Variants in ICOS observed in about 807,000 individuals in gnomAD.
The protein encoded by ICOS is inducible T cell costimulator.
A neutral mutation model predicts 24.6 loss-of-function variants in ICOS; 15 were observed. The ratio of observed to expected loss-of-function variants is 0.61; its 90% confidence interval spans 0.41 to 0.94. The LOEUF is 0.94. Ranked by LOEUF, ICOS falls within the 40% of genes least tolerant of loss-of-function variation. ICOS has a pLI of 0.00. For missense variants in ICOS, 200 were observed against 233.0 expected (o/e 0.86, Z 0.92); for synonymous variants, 89 against 77.5 (o/e 1.15, Z -0.78).
chr2:203,951,967 T>C (rs1013467403), intron 1 of ICOS, among the ~76,000 whole-genome samples: 19 of 152,232 alleles, frequency 1.2e-4, no homozygotes, highest in Non-Finnish European at 2.4e-4. Context: ...ATATTGTTCC[T>C]TCCAGTTTTT....
intron 1 of ICOS, among the ~76,000 whole-genome samples, chr2:203,946,560 A>T (rs968789605): frequency 2.0e-5 from 3 of 152,132 alleles, no homozygotes; most frequent in Admixed American, 2.0e-4. Flanking sequence ...TTTAGAAATG[A>T]TGCATATATA....
intron 4 of ICOS, 114 bp from the exon 5 acceptor site, chr2:203,959,472 G>GTC: frequency 1.2e-6 from 1 of 807,318 alleles, no homozygotes; most frequent in Non-Finnish European, 2.2e-6. Flanking sequence ...GTGTGTGTGT[G>GTC]TGTGTGCACG....
At chr2:203,952,886 A>G (rs1346830336) in intron 1 of ICOS, among the ~76,000 whole-genome samples, 1 of 151,972 alleles carries the variant, frequency 6.6e-6, no homozygotes, top group African/African-American at 2.4e-5. Context: ...GTTTTCTTGT[A>G]TGTCTCATTA....
At chr2:203,946,047 C>T (rs1050950688) in intron 1 of ICOS, among the ~76,000 whole-genome samples, 3 of 152,198 alleles carry the variant, frequency 2.0e-5, no homozygotes, top group Non-Finnish European at 4.4e-5. Context: ...ATAAAATCCT[C>T]TCTCCCTCCC....
Position 203,957,127 on chromosome 2 carries a change from C to T in ICOS, c.501+362C>T, listed in dbSNP as rs79175140. 4.1e-4 allele frequency among the ~76,000 whole-genome samples: 62 copies of T among 152,146 alleles called. No individual in the cohort carries two copies. In the East Asian group the frequency reaches 8.9e-3, roughly 22 times the overall value. On this transcript the variant is annotated intron_variant, in intron 3 of 4. Transcript: ENST00000316386. ...TTAAAAAATTATTATGCATGGGCTG[C>T]GAATTTGAATCCAAGGTTCCTGAGA...
chr2:203,951,338 AGTT>A (rs1356080966), intron 1 of ICOS, among the ~76,000 whole-genome samples: 1 of 152,200 alleles, frequency 6.6e-6, no homozygotes, highest in East Asian at 1.9e-4. Flanking sequence ...TAGCTCTCTC[AGTT>A]GTTTGCAGTC....
In ICOS at chr2:203,959,890, C is replaced by G. The variant is rs1690146862; in HGVS notation, c.*291C>G. 3.8e-6 allele frequency: 2 copies of G among 528,298 alleles called. No individual in the cohort carries two copies. Among genetic ancestry groups the G allele is most frequent in the Non-Finnish European group, 6.9e-6 (2 of 291,772 alleles). 32.7% of individuals were successfully genotyped at this position (528,298 alleles called of 1,614,324 possible). A position where few individuals can be genotyped will look rare whatever the true frequency, so the allele number is the denominator to read the frequency against. ...GGAATCCCTGTCTCCACATCTGCTC[C>G]TAGCAGTGCATCAGCCAGTAAAACA... On this transcript the variant is annotated 3_prime_UTR_variant, in exon 5 of 5. Coordinates refer to ENST00000316386, the MANE Select transcript of ICOS (RefSeq NM_012092.4).
At chr2:203,942,056 A>G (rs1004837526) in intron 1 of ICOS, among the ~76,000 whole-genome samples, 5 of 152,188 alleles carry the variant, frequency 3.3e-5, no homozygotes, top group African/African-American at 1.2e-4. Context: ...CCAGTTGACC[A>G]CGAGTGTTGT....
In ICOS at chr2:203,957,807, A is replaced by G. The variant is rs148435889; in HGVS notation, c.510A>G (p.Ser170=). ...LICWLTKKKY[S]SSVHDPNGEY... ...CTGGCTTTTTCTTTCAGAAGTATTC[A>G]TCCAGTGTGCACGACCCTAACGGTG... The change falls in exon 4 of 5, where the codon TCA becomes TCG. Residue 170 remains serine, a synonymous_variant. Transcript: ENST00000316386. The G allele has an allele frequency of 3.2e-5, 52 of 1,612,080 alleles. No homozygotes were observed. The highest frequency in any genetic ancestry group is 4.2e-5 in the Non-Finnish European group (50 of 1,178,320).
intron 1 of ICOS, among the ~76,000 whole-genome samples, chr2:203,939,491 G>A (rs76210392): frequency 0.013 from 1,947 of 152,198 alleles, 17 homozygotes; most frequent in Non-Finnish European, 0.02. Flanking sequence ...AGGCAACAGG[G>A]ACCATATGAG....
intron 2 of ICOS, 72 bp downstream of exon 2, chr2:203,956,043 T>C (rs747686243): frequency 3.1e-6 from 3 of 978,510 alleles, no homozygotes; most frequent in Non-Finnish European, 4.7e-6. Context: ...ACTAATAAAA[T>C]CAATTAGACA....
rs1308503291 is a variant in ICOS at position 203,959,675 on chromosome 2, C to T, written c.*76C>T. On this transcript the variant is annotated 3_prime_UTR_variant, in exon 5 of 5. Transcript: ENST00000316386. ...CTTGAAGTGCAAGATTCTCTTATTT[C>T]CGGGACCACGGAGAGTCTGACTTAA... The T allele has an allele frequency of 1.1e-5, 15 of 1,371,454 alleles. No homozygotes were observed. Among genetic ancestry groups the T allele is most frequent in the African/African-American group, 1.4e-5 (1 of 69,502 alleles). The allele number at this position is 1,371,454 out of a possible 1,614,324, so 85.0% of individuals were successfully genotyped here.
At chr2:203,945,788 A>G (rs1380383838) in intron 1 of ICOS, among the ~76,000 whole-genome samples, 2 of 152,156 alleles carry the variant, frequency 1.3e-5, no homozygotes, top group Non-Finnish European at 2.9e-5. Context: ...GCATGACTGT[A>G]CTGAGCTCAG....
At chr2:203,947,561 C>G (rs1033743308) in intron 1 of ICOS, among the ~76,000 whole-genome samples, 1 of 152,136 alleles carries the variant, frequency 6.6e-6, no homozygotes, top group African/African-American at 2.4e-5. Flanking sequence ...CCTGCCTCGG[C>G]CTCCCAAAGT....
intron 1 of ICOS, among the ~76,000 whole-genome samples, chr2:203,948,297 C>A (rs1559034068): frequency 6.6e-6 from 1 of 152,046 alleles, no homozygotes; most frequent in East Asian, 1.9e-4. Context: ...GGGATCATGC[C>A]CCAGCTATGA....
chr2:203,958,821 T>C lies in ICOS; in HGVS notation c.587-765T>C, dbSNP rs56335907. 2.4e-3 allele frequency among the ~76,000 whole-genome samples: 372 copies of C among 152,302 alleles called. 1 individual carries two copies. Among genetic ancestry groups the C allele is most frequent in the African/African-American group, 8.2e-3 (342 of 41,574 alleles). On this transcript the variant is annotated intron_variant, in intron 4 of 4. Coordinates refer to ENST00000316386, the MANE Select transcript of ICOS (RefSeq NM_012092.4). ...GCAAAGAGCTTATGTTTCATTACTT[T>C]GCTGTTTAAAAAATATATGATCTCT...
Position 203,961,423 on chromosome 2 carries a change from C to A in ICOS, c.*1824C>A, listed in dbSNP as rs1559037428. The A allele has an allele frequency of 6.0e-6, 1 of 166,032 alleles. No homozygotes were observed. The highest frequency in any genetic ancestry group is 1.3e-5 in the Non-Finnish European group (1 of 76,680). 10.3% of individuals were successfully genotyped at this position (166,032 alleles called of 1,614,324 possible). On this transcript the variant is annotated 3_prime_UTR_variant, in exon 5 of 5. Coordinates refer to ENST00000316386, the MANE Select transcript of ICOS (RefSeq NM_012092.4). ...TGGTTGTCCAAGCTGTGCCTCGACACATCCTCATCCCCAGCATGGGACACC... is the reference window on the plus strand; with the variant it reads ...TGGTTGTCCAAGCTGTGCCTCGACAAATCCTCATCCCCAGCATGGGACACC...
intron 4 of ICOS, among the ~76,000 whole-genome samples, chr2:203,958,592 A>C (rs1345610530): frequency 6.6e-6 from 1 of 152,198 alleles, no homozygotes; most frequent in African/African-American, 2.4e-5. Context: ...GACAGAAGCC[A>C]CTGCATTTTT....
intron 1 of ICOS, among the ~76,000 whole-genome samples, chr2:203,946,453 C>G (rs559092999): frequency 1.4e-5 from 2 of 147,802 alleles, no homozygotes; most frequent in Admixed American, 6.8e-5. Context: ...AAATGTTAGG[C>G]ATTTAGGTTA....
Sources: allele counts gnomAD v4.1 joint callset (sites outside exome capture counted in the v4.1 genomes callset), GRCh38; gene constraint gnomAD v4.1.1; transcripts MANE v1.5; gene names NCBI Gene and HGNC (gene_info 2026-07-23, HGNC 2026-07-21).